The following MAP2 variants were observed in gnomAD, a reference collection of about 807,000 sequenced individuals.
The protein encoded by MAP2 is microtubule associated protein 2.
A neutral mutation model predicts 137.6 loss-of-function variants in MAP2; 14 were observed. That is an observed-to-expected ratio of 0.10 (90% CI 0.07 to 0.16). The LOEUF (loss-of-function observed/expected upper bound fraction) is 0.16. Among genes scored for constraint, MAP2 ranks in the 10% least tolerant of loss-of-function variants. MAP2 has a pLI of 1.00. For missense variants in MAP2, 2,088 were observed against 2,191.5 expected (o/e 0.95, Z 0.94); for synonymous variants, 786 against 782.3 (o/e 1.00, Z -0.08).
rs770132978 is a variant in MAP2 at position 209,573,298 on chromosome 2, G to GGTTTTTTTTTTTTTTTTTTT, written c.-171-6738_-171-6737insGTTTTTTTTTTTTTTTTTTT. Among the ~76,000 whole-genome samples the GGTTTTTTTTTTTTTTTTTTT allele has an allele frequency of 5.1e-4, 61 of 120,050 alleles. 1 individual carries two copies. Among genetic ancestry groups the GGTTTTTTTTTTTTTTTTTTT allele is most frequent in the African/African-American group, 2.0e-3 (59 of 30,178 alleles). 78.8% of individuals were successfully genotyped at this position (120,050 alleles called of 152,430 possible). A position where few individuals can be genotyped will look rare whatever the true frequency, so the allele number is the denominator to read the frequency against. ...TTCTTTTCTTTATTTTTCTTTTTCTGTTTTTTTTTTTTTTTTGAGGAGTCT... is the reference window on the plus strand; with the variant it reads ...TTCTTTTCTTTATTTTTCTTTTTCTGGTTTTTTTTTTTTTTTTTTTTTTTTTTTTTTTTTTTGAGGAGTCT... On this transcript the variant is annotated intron_variant, in intron 2 of 15. Transcript: ENST00000682079.
chr2:209,489,042 T>C (rs2058749137), intron 1 of MAP2, among the ~76,000 whole-genome samples: 1 of 152,170 alleles, frequency 6.6e-6, no homozygotes, highest in South Asian at 2.1e-4. Context: ...AGGAGAGCTC[T>C]GGCTGGCATC....
At chr2:209,630,087 A>G (rs943668676) in intron 4 of MAP2, among the ~76,000 whole-genome samples, 2 of 152,216 alleles carry the variant, frequency 1.3e-5, no homozygotes, top group Admixed American at 1.3e-4. Context: ...ATTTTTAAAA[A>G]TGGTGGTCCA....
At chr2:209,713,536 G>A (rs1182037710) in intron 13 of MAP2, among the ~76,000 whole-genome samples, 2 of 152,270 alleles carry the variant, frequency 1.3e-5, no homozygotes, top group Non-Finnish European at 2.9e-5. Flanking sequence ...ATTCAGTGTA[G>A]ATAATTAGCT....
At position 209,597,737 on chromosome 2, in the gene MAP2, G is replaced by GT. The variant is rs200765231; in HGVS notation, c.-107+17645dup. ...TCTTCCTGCAGCTATTGCATTTTTTGTTTTTTTTGTTTTCGTTTTTTGGCC... is the reference window on the plus strand; with the variant it reads ...TCTTCCTGCAGCTATTGCATTTTTTGTTTTTTTTTGTTTTCGTTTTTTGGCC... On this transcript the variant is annotated intron_variant, in intron 3 of 15. Transcript: ENST00000682079. Among the ~76,000 whole-genome samples, 35 of 151,690 alleles carry GT rather than the reference G, an allele frequency of 2.3e-4. 1 individual carries two copies. In the South Asian group the frequency reaches 2.5e-3, roughly 11 times the overall value.
At chr2:209,658,909 T>C (rs193129952) in intron 5 of MAP2, among the ~76,000 whole-genome samples, 3 of 152,348 alleles carry the variant, frequency 2.0e-5, no homozygotes, top group African/African-American at 7.2e-5. Context: ...TGTGTAGAAT[T>C]GCAAGCTGCC....
chr2:209,497,638 T>C (rs1025957762), intron 1 of MAP2, among the ~76,000 whole-genome samples: 1 of 152,074 alleles, frequency 6.6e-6, no homozygotes, highest in Non-Finnish European at 1.5e-5. Context: ...CTCAGGGAGC[T>C]TTTTCTCCTG....
intron 1 of MAP2, among the ~76,000 whole-genome samples, chr2:209,472,413 C>CTGCT (rs1705985738): frequency 6.6e-6 from 1 of 152,082 alleles, no homozygotes; most frequent in African/African-American, 2.4e-5. Context: ...GGTACTTGGC[C>CTGCT]TGCTGCTTCA....
Position 209,654,292 on chromosome 2 carries a change from G to C in MAP2, c.262+860G>C, listed in dbSNP as rs78349887. 5.4e-3 allele frequency among the ~76,000 whole-genome samples: 824 copies of C among 152,176 alleles called. 6 individuals carry two copies. The highest frequency in any genetic ancestry group is 0.019 in the African/African-American group (803 of 41,508). ...AATATGTCATATCTTTGCAAAAATA[G>C]GTTTTCAGCAGTTGTTCTGATAAAA... On this transcript the variant is annotated intron_variant, in intron 5 of 15. Coordinates refer to ENST00000682079, the MANE Select transcript of MAP2 (RefSeq NM_001375505.1).
At chr2:209,479,207 T>A (rs772305804) in intron 1 of MAP2, among the ~76,000 whole-genome samples, 3 of 152,122 alleles carry the variant, frequency 2.0e-5, no homozygotes, top group Non-Finnish European at 2.9e-5. Context: ...TTTTTCCTTA[T>A]ATGGTTGTGC....
chr2:209,623,754 A>T (rs886882978), intron 3 of MAP2, among the ~76,000 whole-genome samples: 1 of 152,206 alleles, frequency 6.6e-6, no homozygotes, highest in East Asian at 1.9e-4. Flanking sequence ...GAGCTGGACT[A>T]AAGAAAAAAA....
In MAP2 at chr2:209,693,391, T is replaced by C. The variant is rs1474850003; in HGVS notation, c.1221T>C (p.Val407=). 6.2e-7 allele frequency: 1 copy of C among 1,611,950 alleles called. No homozygotes were observed. Among genetic ancestry groups the C allele is most frequent in the African/African-American group, 1.3e-5 (1 of 74,562 alleles). The change falls in exon 8 of 16, where the codon GTT becomes GTC. Residue 407 remains valine, a synonymous_variant. Coordinates refer to ENST00000682079, the MANE Select transcript of MAP2 (RefSeq NM_001375505.1). ...PVVEEHVMGK[V]LEEEKEAINQ... ...TAGAAGAACATGTTATGGGGAAAGT[T>C]TTAGAGGAAGAAAAGGAGGCCATAA...
At chr2:209,541,151 C>G (rs914095335) in intron 2 of MAP2, among the ~76,000 whole-genome samples, 1 of 151,124 alleles carries the variant, frequency 6.6e-6, no homozygotes, top group African/African-American at 2.5e-5. Flanking sequence ...CTGCCTCAGC[C>G]TCCCAAGTAG....
chr2:209,707,406 A>G (rs2063778445), intron 12 of MAP2, among the ~76,000 whole-genome samples: 1 of 152,092 alleles, frequency 6.6e-6, no homozygotes, highest in African/African-American at 2.4e-5. Context: ...AGACGATTGG[A>G]AAAGCAAGCA....
rs764458256 is a variant in MAP2, at chr2:209,696,203, G to A, written c.4033G>A (p.Asp1345Asn). 3.1e-6 allele frequency: 5 copies of A among 1,613,764 alleles called. No individual in the cohort carries two copies. The East Asian group carries it at 1.1e-4, about 36-fold the overall frequency. The change falls in exon 8 of 16, where the codon GAT becomes AAT. Residue 1345 changes from aspartate (D) to asparagine (N), a missense_variant. By Grantham distance (23) the Asp-to-Asn change is conservative. This residue lies in a region of MAP2 where 591 missense variants were observed against 642.6 expected (regional missense o/e 0.92). Coordinates refer to ENST00000682079, the MANE Select transcript of MAP2 (RefSeq NM_001375505.1). ...EAAEAQAEPK[D>N]GSPEAPASPE... is the part of the protein sequence containing the mutation. ...AGCTGAAGCCCAGGCAGAACCCAAA[G>A]ATGGTTCCCCAGAGGCTCCAGCTTC...
In MAP2 at chr2:209,653,294, G is replaced by C. The variant is rs2094925871; in HGVS notation, c.124G>C (p.Val42Leu). 6.2e-7 allele frequency: 1 copy of C among 1,614,166 alleles called. No individual in the cohort carries two copies. Among genetic ancestry groups the C allele is most frequent in the Non-Finnish European group, 8.5e-7 (1 of 1,180,014 alleles). ...KDQGGAGEGL[V>L]RSANGFPYRE... ...TCAAGGCGGAGCAGGGGAAGGACTT[G>C]TCCGAAGCGCCAATGGATTCCCATA... The change falls in exon 5 of 16, where the codon GTC becomes CTC. Residue 42 changes from valine (V) to leucine (L), a missense_variant. This residue lies in a region of MAP2 where 859 missense variants were observed against 794.5 expected (regional missense o/e 1.08). Coordinates refer to ENST00000682079, the MANE Select transcript of MAP2 (RefSeq NM_001375505.1).
intron 3 of MAP2, among the ~76,000 whole-genome samples, chr2:209,601,230 A>G (rs539008952): frequency 8.9e-4 from 135 of 152,242 alleles, no homozygotes; most frequent in African/African-American, 2.6e-3. Context: ...TTATTTAGTA[A>G]CTTAAACATT....
chr2:209,513,394 T>C (rs1413390426), intron 2 of MAP2, among the ~76,000 whole-genome samples: 1 of 152,142 alleles, frequency 6.6e-6, no homozygotes, highest in Non-Finnish European at 1.5e-5. Context: ...CCTTTACACT[T>C]ATGCGTGCTG....
At chr2:209,700,495 G>A (rs938626463) in intron 11 of MAP2, among the ~76,000 whole-genome samples, 157 bp downstream of exon 11, 1 of 152,172 alleles carries the variant, frequency 6.6e-6, no homozygotes, top group African/African-American at 2.4e-5. Context: ...TCCAGGCATG[G>A]AAGGATGAAC....
At position 209,694,197 on chromosome 2, in the gene MAP2, A is replaced by G; in HGVS notation, c.2027A>G (p.Lys676Arg). 1 of 1,614,182 alleles carries G rather than the reference A, an allele frequency of 6.2e-7. No individual in the cohort carries two copies. Among genetic ancestry groups the G allele is most frequent in the Non-Finnish European group, 8.5e-7 (1 of 1,180,014 alleles). ...VYGEKRDLHS[K>R]NKDDLTLSRS... ...GGAGAGAAAAGGGACCTCCACAGTAAGAATAAGGATGATTTGACCCTTAGC... is the reference window on the plus strand; with the variant it reads ...GGAGAGAAAAGGGACCTCCACAGTAGGAATAAGGATGATTTGACCCTTAGC... Residue 676 changes from lysine (K) to arginine (R), a missense_variant, in exon 8 of 16, where the codon AAG becomes AGG. Coordinates refer to ENST00000682079, the MANE Select transcript of MAP2 (RefSeq NM_001375505.1).
Sources: allele counts gnomAD v4.1 joint callset (sites outside exome capture counted in the v4.1 genomes callset), GRCh38; gene constraint gnomAD v4.1.1; regional missense constraint gnomAD v4.1.1; transcripts MANE v1.5; gene names NCBI Gene and HGNC (gene_info 2026-07-23, HGNC 2026-07-21).